THSD7B: variants seen among roughly 807,000 people sequenced by gnomAD.
The protein encoded by THSD7B is thrombospondin type 1 domain containing 7B, also known as thrombospondin type-1 domain-containing protein 7B.
In THSD7B, 138 loss-of-function variants were observed where a neutral mutation model predicts 213.6. The observed-to-expected ratio is 0.65, with a 90% CI of 0.56 to 0.74. THSD7B has a LOEUF of 0.74. Among genes scored for constraint, THSD7B ranks in the 30% least tolerant of loss-of-function variants. THSD7B has a pLI of 0.00. For missense variants in THSD7B, 1,931 were observed against 1,991.5 expected (o/e 0.97, Z 0.58); for synonymous variants, 742 against 687.0 (o/e 1.08, Z -1.25).
intron 13 of THSD7B, among the ~76,000 whole-genome samples, chr2:137,409,080 T>C (rs1356417327): frequency 6.6e-6 from 1 of 152,188 alleles, no homozygotes; most frequent in Non-Finnish European, 1.5e-5. Flanking sequence ...ATATAGGTCC[T>C]TGATGACCCT....
intron 1 of THSD7B, among the ~76,000 whole-genome samples, chr2:136,822,795 C>T (rs930943116): frequency 6.6e-6 from 1 of 152,190 alleles, no homozygotes; most frequent in Non-Finnish European, 1.5e-5. Flanking sequence ...CTGCATTCAT[C>T]ATGACTCTGT....
chr2:137,541,348 A>G (rs1186915683), intron 15 of THSD7B, among the ~76,000 whole-genome samples: 1 of 151,726 alleles, frequency 6.6e-6, no homozygotes, highest in Admixed American at 6.6e-5. Flanking sequence ...AGTCACTAGA[A>G]ACTGTCTGAG....
At chr2:137,315,845 C>T (rs1295133745) in intron 12 of THSD7B, among the ~76,000 whole-genome samples, 1 of 152,138 alleles carries the variant, frequency 6.6e-6, no homozygotes, top group Admixed American at 6.5e-5. Flanking sequence ...TCTGCCTGTG[C>T]CATTTTACTG....
chr2:137,483,776 T>G (rs972879120), intron 15 of THSD7B, among the ~76,000 whole-genome samples: 11 of 152,138 alleles, frequency 7.2e-5, no homozygotes, highest in African/African-American at 2.7e-4. Flanking sequence ...AAGCCCCCGC[T>G]GGTGGCAGGA....
chr2:137,053,822 C>G (rs909571985), intron 2 of THSD7B, among the ~76,000 whole-genome samples: 2 of 151,920 alleles, frequency 1.3e-5, no homozygotes, highest in African/African-American at 4.8e-5. Flanking sequence ...CCACAGTGCT[C>G]TACAAAAAAA....
chr2:137,201,492 A>G (rs1680874494), intron 7 of THSD7B, among the ~76,000 whole-genome samples: 1 of 152,184 alleles, frequency 6.6e-6, no homozygotes, highest in Admixed American at 6.5e-5. Flanking sequence ...AGAAATCTCC[A>G]TAGTTTTTCT....
At chr2:137,072,525 G>A (rs199856382) in intron 3 of THSD7B, among the ~76,000 whole-genome samples, 2 of 152,172 alleles carry the variant, frequency 1.3e-5, no homozygotes, top group Non-Finnish European at 2.9e-5. Context: ...GGGTTTTCTA[G>A]ATATACAATC....
In THSD7B at chr2:137,334,544, G is replaced by A. The variant is rs58679634; in HGVS notation, c.2500+58518G>A. Among the ~76,000 whole-genome samples, 10 of 151,998 alleles carry A rather than the reference G, an allele frequency of 6.6e-5. No homozygotes were observed. In the East Asian group the frequency reaches 1.6e-3, roughly 24 times the overall value. The stretch of plus-strand genomic sequence containing the variant: ...ACTCCTCTGCATGCCCTTCATCCTC[G>A]GATTCCTCCATTTCTCCCCATTCCT... On this transcript the variant is annotated intron_variant, in intron 12 of 27. Coordinates refer to ENST00000409968, the MANE Select transcript of THSD7B (RefSeq NM_001316349.2).
intron 2 of THSD7B, among the ~76,000 whole-genome samples, chr2:136,927,656 C>A (rs1169604193): frequency 6.6e-6 from 1 of 152,148 alleles, no homozygotes; most frequent in African/African-American, 2.4e-5. Flanking sequence ...TTGGCTTGAA[C>A]CAAAGTGAAT....
intron 12 of THSD7B, among the ~76,000 whole-genome samples, chr2:137,314,908 A>G (rs1384268087): frequency 2.6e-5 from 4 of 152,214 alleles, no homozygotes; most frequent in African/African-American, 4.8e-5. Flanking sequence ...TGCTCTCTTC[A>G]ACGCTGTCAG....
chr2:137,117,916 A>C (rs1320689757), intron 5 of THSD7B, among the ~76,000 whole-genome samples: 1 of 152,150 alleles, frequency 6.6e-6, no homozygotes, highest in Non-Finnish European at 1.5e-5. Flanking sequence ...TTGATGACTT[A>C]TTTTTGGTGA....
At chr2:137,196,681 T>C (rs1351243844) in intron 7 of THSD7B, among the ~76,000 whole-genome samples, 3 of 152,166 alleles carry the variant, frequency 2.0e-5, no homozygotes, top group Non-Finnish European at 4.4e-5. Context: ...GTACAAGAAC[T>C]TTATTTCATG....
intron 15 of THSD7B, among the ~76,000 whole-genome samples, chr2:137,473,402 A>G (rs7600775): frequency 1 from 151,512 of 152,104 alleles, 75,467 homozygotes; most frequent in Middle Eastern, 1. Flanking sequence ...TAGAGACAGC[A>G]TTTCACCGTG....
At chr2:136,916,447 T>A (rs1045118341) in intron 2 of THSD7B, among the ~76,000 whole-genome samples, 3 of 152,170 alleles carry the variant, frequency 2.0e-5, no homozygotes, top group African/African-American at 7.2e-5. Context: ...CCACCAGCAA[T>A]GCAAAGGAGG....
chr2:137,535,215 T>C (rs1259194693), intron 15 of THSD7B, among the ~76,000 whole-genome samples: 3 of 151,794 alleles, frequency 2.0e-5, no homozygotes, highest in African/African-American at 7.2e-5. Context: ...GTCTATACCA[T>C]TTCTATCCAT....
At chr2:136,910,453 C>T (rs181103517) in intron 2 of THSD7B, among the ~76,000 whole-genome samples, 2 of 152,178 alleles carry the variant, frequency 1.3e-5, no homozygotes. Context: ...GTAAGTTGAA[C>T]CTCAAGAATG....
At chr2:137,043,285 C>G (rs1219990050) in intron 2 of THSD7B, among the ~76,000 whole-genome samples, 7 of 152,158 alleles carry the variant, frequency 4.6e-5, no homozygotes, top group African/African-American at 1.7e-4. Flanking sequence ...CTTCAGCTGT[C>G]AGTCAGTTGA....
At chr2:137,605,644 C>T (rs1169966311) in intron 17 of THSD7B, among the ~76,000 whole-genome samples, 3 of 113,146 alleles carry the variant, frequency 2.7e-5, no homozygotes, top group Non-Finnish European at 3.5e-5. Flanking sequence ...ATTGGCACTT[C>T]GCACTTTTTT....
rs184307211 is a variant in THSD7B, at chr2:137,006,608, T to A, written c.140-49812T>A. ...CTCCATTATCAATGCAGAGAATAAA[T>A]GCCACCAACTCCCCCAAATTCTTTT... On this transcript the variant is annotated intron_variant, in intron 2 of 27. Coordinates refer to ENST00000409968, the MANE Select transcript of THSD7B (RefSeq NM_001316349.2). 2.0e-5 allele frequency among the ~76,000 whole-genome samples: 3 copies of A among 152,286 alleles called. No homozygotes were observed. The East Asian group carries it at 5.8e-4, about 29-fold the overall frequency.
Sources: gnomAD v4.1 joint callset for allele counts (sites outside exome capture counted in the v4.1 genomes callset) on GRCh38, gnomAD v4.1.1 for gene constraint, MANE v1.5 for transcripts, NCBI Gene and HGNC (gene_info 2026-07-23, HGNC 2026-07-21) for gene names.